Variants in RGPD2 observed in about 807,000 individuals in gnomAD.
RGPD2 encodes RANBP2-like and GRIP domain-containing protein 2.
RGPD2 carries 2 observed loss-of-function variants against 36.0 expected under a neutral mutation model. The ratio of observed to expected loss-of-function variants is 0.06; its 90% CI spans 0.02 to 0.17. RGPD2 has a LOEUF of 0.17. Ranked by LOEUF, RGPD2 falls within the 10% of genes least tolerant of loss-of-function variation. RGPD2 has a pLI of 1.00. For missense variants in RGPD2, 40 were observed against 464.3 expected, an observed-to-expected ratio of 0.09 and a Z score of 8.40; for synonymous variants, 19 against 163.8, an observed-to-expected ratio of 0.12 and a Z score of 6.75.
chr2:87,915,679 T>A, the RGPD2 span, among the ~76,000 whole-genome samples: 4 of 145,646 alleles, frequency 2.7e-5, no homozygotes, highest in East Asian at 4.1e-4. Flanking sequence ...TATATCTCCC[T>A]TTTCAACCAT....
At chr2:87,875,011 CTGT>C in the RGPD2 span, among the ~76,000 whole-genome samples, 1 of 152,088 alleles carries the variant, frequency 6.6e-6, no homozygotes, top group Non-Finnish European at 1.5e-5. Context: ...CTTTGCTTGC[CTGT>C]TGTTGGTGTA....
the RGPD2 span, among the ~76,000 whole-genome samples, chr2:87,876,285 A>T: frequency 1.4e-5 from 2 of 140,040 alleles, no homozygotes; most frequent in Non-Finnish European, 3.0e-5. Flanking sequence ...TTTGCTCTTG[A>T]TTCTCTAGTT....
chr2:87,834,752 C>T, the RGPD2 span, among the ~76,000 whole-genome samples: 4 of 152,040 alleles, frequency 2.6e-5, no homozygotes, highest in Admixed American at 2.6e-4. Flanking sequence ...TTAAGATGCC[C>T]ATATTCATAA....
At chr2:87,883,043 G>A in the RGPD2 span, among the ~76,000 whole-genome samples, 4 of 152,112 alleles carry the variant, frequency 2.6e-5, no homozygotes, top group African/African-American at 9.7e-5. Context: ...CTCTAATTCT[G>A]TAATGGTGGT....
At chr2:87,877,530 G>A in the RGPD2 span, among the ~76,000 whole-genome samples, 414 of 152,040 alleles carry the variant, frequency 2.7e-3, no homozygotes, top group African/African-American at 9.3e-3. Flanking sequence ...ACAGCCAGGC[G>A]CAGTGGCTCA....
chr2:87,857,631 A>T, the RGPD2 span, among the ~76,000 whole-genome samples: 1 of 151,884 alleles, frequency 6.6e-6, no homozygotes, highest in Non-Finnish European at 1.5e-5. Flanking sequence ...GGCCCAAAAT[A>T]TTCGTATACT....
the RGPD2 span, among the ~76,000 whole-genome samples, chr2:87,960,221 T>C: frequency 2.6e-5 from 4 of 151,616 alleles, no homozygotes; most frequent in Non-Finnish European, 5.9e-5. Flanking sequence ...CAGCCCATTA[T>C]TATTAGTCCA....
At chr2:87,984,233 G>A in the RGPD2 span, among the ~76,000 whole-genome samples, 19 of 152,140 alleles carry the variant, frequency 1.2e-4, no homozygotes, top group Non-Finnish European at 1.8e-4. Flanking sequence ...TGAAATGGGC[G>A]CTTTTAAATG....
At chr2:87,951,772 A>G in the RGPD2 span, among the ~76,000 whole-genome samples, 1 of 130,328 alleles carries the variant, frequency 7.7e-6, no homozygotes, top group Non-Finnish European at 1.6e-5. Context: ...TTTAGTAGAG[A>G]TGGGGTTTCA....
chr2:87,940,475 A>G, the RGPD2 span, among the ~76,000 whole-genome samples: 1 of 147,660 alleles, frequency 6.8e-6, no homozygotes, highest in African/African-American at 2.4e-5. Flanking sequence ...ATGACCAGAA[A>G]TCTTTGTTAT....
chr2:87,907,463 A>G, the RGPD2 span, among the ~76,000 whole-genome samples: 5 of 20,472 alleles, frequency 2.4e-4, no homozygotes, highest in African/African-American at 9.0e-4. Flanking sequence ...AAAAAAAAAA[A>G]GAATTGTGGG....
intron 1 of RGPD2, chr2:87,825,191 T>G: frequency 2.5e-6 from 1 of 393,464 alleles, no homozygotes; most frequent in Non-Finnish European, 4.5e-6. Flanking sequence ...CCCCCTCTAT[T>G]GATCCCCACC....
chr2:87,770,108 ATTAAGCC>A (rs1479875646), intron 22 of RGPD2, among the ~76,000 whole-genome samples: 5 of 108,938 alleles, frequency 4.6e-5, no homozygotes, highest in Non-Finnish European at 1.0e-4. Context: ...TGTAAAAAAA[ATTAAGCC>A]TGAATCTTAT....
At chr2:87,922,240 C>T in the RGPD2 span, among the ~76,000 whole-genome samples, 1 of 137,052 alleles carries the variant, frequency 7.3e-6, no homozygotes, top group Non-Finnish European at 1.5e-5. Context: ...TTTCAGTGAA[C>T]CAAGATCGAG....
chr2:87,989,777 G>A, the RGPD2 span: 1 of 1,197,774 alleles, frequency 8.3e-7, no homozygotes, highest in Non-Finnish European at 1.2e-6. Flanking sequence ...CCTCATTATA[G>A]AGAGAATCAT....
At chr2:87,760,761 G>A (rs1167458039) in intron 22 of RGPD2, among the ~76,000 whole-genome samples, 1 of 36,050 alleles carries the variant, frequency 2.8e-5, no homozygotes, top group East Asian at 1.0e-3. Flanking sequence ...GGGACTACAG[G>A]CGCCTGCCAC....
chr2:87,940,080 TTAAC>T, the RGPD2 span, among the ~76,000 whole-genome samples: 2 of 151,918 alleles, frequency 1.3e-5, no homozygotes, highest in East Asian at 1.9e-4. Context: ...AGTGTCCAGT[TTAAC>T]TAACCACTTG....
the RGPD2 span, among the ~76,000 whole-genome samples, chr2:87,911,424 AC>A: frequency 1.3e-5 from 2 of 150,412 alleles, no homozygotes; most frequent in Non-Finnish European, 3.0e-5. Context: ...AAATGCATGT[AC>A]CGGTTTCTTT....
chr2:87,847,560 G>A, the RGPD2 span, among the ~76,000 whole-genome samples: 4 of 149,078 alleles, frequency 2.7e-5, no homozygotes, highest in Non-Finnish European at 4.5e-5. Context: ...GTGCAGTGGC[G>A]CAATCTCGAC....
Sources: allele counts gnomAD v4.1 joint callset (sites outside exome capture counted in the v4.1 genomes callset), GRCh38; gene constraint gnomAD v4.1.1; transcripts MANE v1.5; gene names NCBI Gene and HGNC (gene_info 2026-07-23, HGNC 2026-07-21).